XNDC1N: variants seen among roughly 807,000 people sequenced by gnomAD.
XNDC1N encodes XRCC1 N-terminal domain containing 1, N-terminal like.
the XNDC1N span, chr11:71,927,882 T>C: frequency 6.6e-6 from 1 of 152,498 alleles, no homozygotes; most frequent in East Asian, 1.9e-4. Flanking sequence ...GATAATTCCC[T>C]GTAATTTTCT....
chr11:71,922,889 T>C, the XNDC1N span, among the ~76,000 whole-genome samples: 2 of 152,108 alleles, frequency 1.3e-5, no homozygotes, highest in Admixed American at 1.3e-4. Flanking sequence ...TAGCTCTAAT[T>C]GGGATATTGT....
the XNDC1N span, chr11:71,918,988 A>G: frequency 1.4e-6 from 1 of 703,026 alleles, no homozygotes; most frequent in Non-Finnish European, 2.6e-6. Flanking sequence ...TCCTTGGACT[A>G]TCTGGGTTTA....
chr11:71,896,938 T>A, the XNDC1N span, among the ~76,000 whole-genome samples: 1 of 152,344 alleles, frequency 6.6e-6, no homozygotes, highest in African/African-American at 2.4e-5. Context: ...CACCTTTATG[T>A]TCACATGATT....
At chr11:71,869,187 G>A in the XNDC1N span, among the ~76,000 whole-genome samples, 2 of 151,982 alleles carry the variant, frequency 1.3e-5, no homozygotes, top group Admixed American at 1.3e-4. Flanking sequence ...ATCTCCTAAT[G>A]CTATCCCTCC....
the XNDC1N span, among the ~76,000 whole-genome samples, chr11:71,917,990 C>G: frequency 6.6e-6 from 1 of 152,186 alleles, no homozygotes; most frequent in African/African-American, 2.4e-5. Context: ...TTCCTCCCAG[C>G]CAGAAACCTT....
chr11:71,895,610 C>T, the XNDC1N span, among the ~76,000 whole-genome samples: 1 of 150,292 alleles, frequency 6.7e-6, no homozygotes, highest in African/African-American at 2.5e-5. Flanking sequence ...TACAGGCATG[C>T]GCGACCGCGC....
chr11:71,911,534 C>T, the XNDC1N span, among the ~76,000 whole-genome samples: 2 of 152,170 alleles, frequency 1.3e-5, no homozygotes, highest in East Asian at 1.9e-4. Flanking sequence ...GAAGCCACAT[C>T]GTTGCCCCAG....
At chr11:71,899,739 G>T in the XNDC1N span, among the ~76,000 whole-genome samples, 1 of 152,194 alleles carries the variant, frequency 6.6e-6, no homozygotes, top group South Asian at 2.1e-4. Flanking sequence ...CTCCCCATGT[G>T]ATAGTCTGAA....
At chr11:71,907,935 C>A in the XNDC1N span, among the ~76,000 whole-genome samples, 1 of 152,136 alleles carries the variant, frequency 6.6e-6, no homozygotes, top group African/African-American at 2.4e-5. Context: ...ATATTAGGAG[C>A]AAAATCACGG....
At chr11:71,883,510 C>G in the XNDC1N span, among the ~76,000 whole-genome samples, 1 of 152,092 alleles carries the variant, frequency 6.6e-6, no homozygotes, top group Non-Finnish European at 1.5e-5. Flanking sequence ...TTCTTCAATA[C>G]GTGGTACTAA....
chr11:71,890,134 C>G, the XNDC1N span, among the ~76,000 whole-genome samples: 1 of 152,084 alleles, frequency 6.6e-6, no homozygotes, highest in African/African-American at 2.4e-5. Context: ...AAAACAACAC[C>G]ACAAGGGGCA....
the XNDC1N span, chr11:71,893,817 T>A: frequency 9.8e-7 from 1 of 1,021,620 alleles, no homozygotes; most frequent in Non-Finnish European, 1.4e-6. Flanking sequence ...TGCTCCTGAC[T>A]GTGATGACCT....
chr11:71,880,836 G>C, the XNDC1N span, among the ~76,000 whole-genome samples: 4 of 151,990 alleles, frequency 2.6e-5, no homozygotes, highest in Admixed American at 2.0e-4. Context: ...GTTCTTCCTA[G>C]TATTCATTTC....
chr11:71,919,619 TTG>T, the XNDC1N span, among the ~76,000 whole-genome samples: 15 of 20,908 alleles, frequency 7.2e-4, no homozygotes, highest in East Asian at 9.8e-3. Flanking sequence ...TTTTTTTTGT[TTG>T]TTTTTTTTTT....
At chr11:71,899,673 A>C in the XNDC1N span, among the ~76,000 whole-genome samples, 2 of 152,236 alleles carry the variant, frequency 1.3e-5, no homozygotes. Flanking sequence ...GGCACGATAC[A>C]CTGTGGAAAG....
the XNDC1N span, chr11:71,917,523 C>T: frequency 1.4e-6 from 1 of 702,908 alleles, no homozygotes; most frequent in East Asian, 2.7e-5. Flanking sequence ...GGCTCCCTCC[C>T]ACAGTCTACA....
the XNDC1N span, among the ~76,000 whole-genome samples, chr11:71,906,966 C>T: frequency 6.6e-6 from 1 of 152,128 alleles, no homozygotes; most frequent in Admixed American, 6.5e-5. Flanking sequence ...GAGTGACATC[C>T]CTCCAGGATA....
chr11:71,922,450 C>T, the XNDC1N span, among the ~76,000 whole-genome samples: 1 of 152,080 alleles, frequency 6.6e-6, no homozygotes, highest in African/African-American at 2.4e-5. Context: ...ACCACAGGCA[C>T]ATGCTATCAC....
chr11:71,920,050 C>G, the XNDC1N span, among the ~76,000 whole-genome samples: 1 of 144,768 alleles, frequency 6.9e-6, no homozygotes, highest in Non-Finnish European at 1.5e-5. Context: ...CTCCGCCTCC[C>G]GGGTTCATGC....
Sources: allele counts gnomAD v4.1 joint callset (sites outside exome capture counted in the v4.1 genomes callset), GRCh38; gene constraint gnomAD v4.1.1; transcripts MANE v1.5; gene names NCBI Gene and HGNC (gene_info 2026-07-23, HGNC 2026-07-21).